FNDC11: variants seen among roughly 807,000 people sequenced by gnomAD.
FNDC11 encodes the protein fibronectin type III domain-containing protein 11.
FNDC11 carries 15 observed loss-of-function variants against 15.8 expected under a neutral mutation model. The observed-to-expected ratio is 0.95, with a 90% confidence interval of 0.63 to 1.46. The LOEUF is 1.46. Ranked by LOEUF, FNDC11 falls within the 40% of genes most tolerant of loss-of-function variation. The pLI, the probability that FNDC11 is intolerant of heterozygous loss-of-function variation, is 0.00. For synonymous variants in FNDC11, 190 were observed against 203.1 expected, an observed-to-expected ratio of 0.94 and a Z score of 0.55; for missense variants, 416 against 443.4, an observed-to-expected ratio of 0.94 and a Z score of 0.55.
At chr20:63,553,712 G>A (rs1032377312), upstream of FNDC11, 2 of 153,696 alleles carry the variant, frequency 1.3e-5, no homozygotes, top group African/African-American at 4.8e-5. Flanking sequence ...GGCCTTGCTG[G>A]GCAGAGCCCG....
Position 63,555,856 on chromosome 20 carries a change from C to G in FNDC11, c.193C>G (p.His65Asp), listed in dbSNP as rs746614013. 1 of 1,613,114 alleles carries G rather than the reference C, an allele frequency of 6.2e-7. No individual in the cohort carries two copies. Among genetic ancestry groups the G allele is most frequent in the Non-Finnish European group, 8.5e-7 (1 of 1,179,950 alleles). ...GAGTCCGCACCTGCTCAAGCGCCAC[C>G]ACGCCCGCATGCAGCTGCTGCGTAA... ...DLSPHLLKRH[H>D]ARMQLLRKCS... Residue 65 changes from histidine (H) to aspartate (D), a missense_variant, in exon 2 of 2, where the codon CAC (histidine) becomes GAC (aspartate). Transcript: ENST00000370097.
Position 63,556,251 on chromosome 20 carries a change from G to C in FNDC11, c.588G>C (p.Lys196Asn), listed in dbSNP as rs1163733603. The stretch of plus-strand genomic sequence containing the variant: ...TGGTGTCTGATGTCAGTGCCACCAA[G>C]ATCCCGCACATCTGGCTCATGCTGA... ...HRLVSDVSAT[K>N]IPHIWLMLST... Residue 196 changes from lysine (K) to asparagine (N), a missense_variant, in exon 2 of 2, where the codon AAG (lysine) becomes AAC (asparagine). Coordinates refer to ENST00000370097, the MANE Select transcript of FNDC11 (RefSeq NM_001319152.2). The C allele has an allele frequency of 3.1e-6, 5 of 1,595,544 alleles. No homozygotes were observed. The highest frequency in any genetic ancestry group is 4.3e-6 in the Non-Finnish European group (5 of 1,167,134).
intron 1 of FNDC11, chr20:63,554,445 C>CT (rs2082788319): frequency 6.6e-6 from 1 of 152,292 alleles, no homozygotes; most frequent in Non-Finnish European, 1.5e-5. Flanking sequence ...TCACGACCAG[C>CT]CTCTCTGGGT....
At position 63,556,269 on chromosome 20, in the gene FNDC11, C is replaced by G. The variant is rs146561395; in HGVS notation, c.606C>G (p.Leu202=). ...VSATKIPHIW[L]MLSTKMPVVF... is the part of the protein sequence containing the mutation. ...CCACCAAGATCCCGCACATCTGGCT[C>G]ATGCTGAGCACCAAGATGCCTGTCG... Residue 202 remains leucine (L), a synonymous_variant, in exon 2 of 2, where the codon CTC becomes CTG. Transcript: ENST00000370097. 6.3e-7 allele frequency: 1 copy of G among 1,599,720 alleles called. No homozygotes were observed. Among genetic ancestry groups the G allele is most frequent in the South Asian group, 1.1e-5 (1 of 90,280 alleles).
intron 1 of FNDC11, 80 bp from the exon 2 acceptor site, chr20:63,555,574 G>A: frequency 6.8e-7 from 1 of 1,473,978 alleles, no homozygotes; most frequent in Non-Finnish European, 9.0e-7. Flanking sequence ...GGGGTCAGTG[G>A]GCTGAATCCA....
intron 1 of FNDC11, chr20:63,555,063 C>T (rs1569022499): frequency 6.5e-6 from 1 of 153,198 alleles, no homozygotes; most frequent in Non-Finnish European, 1.5e-5. Context: ...GGGACAGGAT[C>T]CCGGGTCCAC....
Position 63,556,409 on chromosome 20 carries a change from C to A in FNDC11, c.746C>A (p.Pro249Gln), listed in dbSNP as rs773939617. The A allele has an allele frequency of 1.2e-6, 2 of 1,613,052 alleles. No homozygotes were observed. The highest frequency in any genetic ancestry group is 1.7e-6 in the Non-Finnish European group (2 of 1,180,024). Residue 249 changes from proline to glutamine, a missense_variant, in exon 2 of 2, where the codon CCG becomes CAG. By Grantham distance (76) the Pro-to-Gln change is moderately conservative. Transcript: ENST00000370097. ...QYELRFRLLD[P>Q]RTQQECAQCG... is the part of the protein sequence containing the mutation. Reference sequence around the variant, plus strand: ...GAGTTGCGCTTCAGGCTGCTGGACCCGCGGACACAGCAGGAGTGCGCCCAG... The same window carrying A: ...GAGTTGCGCTTCAGGCTGCTGGACCAGCGGACACAGCAGGAGTGCGCCCAG...
Position 63,556,683 on chromosome 20 carries a change from A to G in FNDC11, c.*63A>G. On this transcript the variant is annotated 3_prime_UTR_variant, in exon 2 of 2. Coordinates refer to ENST00000370097, the MANE Select transcript of FNDC11 (RefSeq NM_001319152.2). The stretch of plus-strand genomic sequence containing the variant: ...AGTGTAAATGCACATATGGAATTAA[A>G]GAAGCAAACCTATTTATGTTTTAAA... The G allele has an allele frequency of 6.9e-7, 1 of 1,445,798 alleles. No homozygotes were observed. The highest frequency in any genetic ancestry group is 9.5e-7 in the Non-Finnish European group (1 of 1,055,470). The allele number at this position is 1,445,798 out of a possible 1,614,324, so 89.6% of individuals were successfully genotyped here. A position where few individuals can be genotyped will look rare whatever the true frequency, so the allele number is the denominator to read the frequency against.
At position 63,555,732 on chromosome 20, in the gene FNDC11, C is replaced by A; in HGVS notation, c.69C>A (p.Asp23Glu). The A allele has an allele frequency of 6.2e-7, 1 of 1,613,244 alleles. No homozygotes were observed. The highest frequency in any genetic ancestry group is 8.5e-7 in the Non-Finnish European group (1 of 1,180,032). ...MKLGNPQSFLDQEEADDQQLL... is the reference protein window; with the variant it reads ...MKLGNPQSFLEQEEADDQQLL... The stretch of plus-strand genomic sequence containing the variant: ...TGGGCAATCCCCAGTCCTTCCTGGA[C>A]CAGGAGGAGGCAGATGACCAGCAGC... Residue 23 changes from aspartate (D) to glutamate (E), a missense_variant, in exon 2 of 2, where the codon GAC (aspartate) becomes GAA (glutamate). Coordinates refer to ENST00000370097, the MANE Select transcript of FNDC11 (RefSeq NM_001319152.2).
In FNDC11 at chr20:63,556,310, C is replaced by T. The variant is rs914978705; in HGVS notation, c.647C>T (p.Ala216Val). Residue 216 changes from alanine (A) to valine (V), a missense_variant, in exon 2 of 2, where the codon GCG becomes GTG. By Grantham distance (64) the Ala-to-Val change is moderately conservative. Transcript: ENST00000370097. ...TKMPVVFDRK[A>V]SAAHQDWARL... The stretch of plus-strand genomic sequence containing the variant: ...ATGCCTGTCGTGTTTGACCGAAAGG[C>T]GTCGGCGGCTCACCAGGACTGGGCC... The T allele has an allele frequency of 8.1e-6, 13 of 1,605,848 alleles. No individual in the cohort carries two copies. Among genetic ancestry groups the T allele is most frequent in the Admixed American group, 3.3e-5 (2 of 59,900 alleles).
At position 63,556,326 on chromosome 20, in the gene FNDC11, G is replaced by A; in HGVS notation, c.663G>A (p.Gln221=). Residue 221 remains glutamine, a synonymous_variant, in exon 2 of 2, where the codon CAG becomes CAA. Coordinates refer to ENST00000370097, the MANE Select transcript of FNDC11 (RefSeq NM_001319152.2). ...VFDRKASAAH[Q]DWARLRWFVT... is the part of the protein sequence containing the mutation. Reference sequence around the variant, plus strand: ...ACCGAAAGGCGTCGGCGGCTCACCAGGACTGGGCCCGGCTGCGCTGGTTCG... The same window carrying A: ...ACCGAAAGGCGTCGGCGGCTCACCAAGACTGGGCCCGGCTGCGCTGGTTCG... 1.9e-6 allele frequency: 3 copies of A among 1,610,752 alleles called. No homozygotes were observed. Among genetic ancestry groups the A allele is most frequent in the Non-Finnish European group, 2.5e-6 (3 of 1,178,270 alleles).
upstream of FNDC11, among the ~76,000 whole-genome samples, chr20:63,553,486 A>G (rs114192123): frequency 0.25 from 9,285 of 36,652 alleles, 1,043 homozygotes; most frequent in African/African-American, 0.48. Flanking sequence ...GGGCCGTAGT[A>G]GGGGAGCCCG....
At position 63,556,228 on chromosome 20, in the gene FNDC11, GTGTCTGA is replaced by G; in HGVS notation, c.570_576del (p.Asp191ValfsTer12). On this transcript the variant is annotated frameshift_variant, in exon 2 of 2. Transcript: ENST00000370097. LOFTEE classifies it high-confidence loss of function. ...GCGGCTACACGTCAAGCACCGCCTGGTGTCTGATGTCAGTGCCACCAAGATCCCGCAC... is the reference window on the plus strand; with the variant it reads ...GCGGCTACACGTCAAGCACCGCCTGGTGTCAGTGCCACCAAGATCCCGCAC... The G allele has an allele frequency of 6.3e-7, 1 of 1,593,916 alleles. No individual in the cohort carries two copies. Among genetic ancestry groups the G allele is most frequent in the Non-Finnish European group, 8.6e-7 (1 of 1,166,312 alleles).
At chr20:63,553,262 C>T (rs2082774278), upstream of FNDC11, among the ~76,000 whole-genome samples, 1 of 152,196 alleles carries the variant, frequency 6.6e-6, no homozygotes, top group African/African-American at 2.4e-5. Context: ...TGCGGGGCTC[C>T]CTGGAGCTAT....
At chr20:63,553,414 G>T (rs1461620949), upstream of FNDC11, among the ~76,000 whole-genome samples, 1 of 151,446 alleles carries the variant, frequency 6.6e-6, no homozygotes, top group East Asian at 1.9e-4. Flanking sequence ...GGTGGGGGGA[G>T]CCCGCGGTGG....
chr20:63,553,804 A>G (rs919634719), upstream of FNDC11: 2 of 152,352 alleles, frequency 1.3e-5, no homozygotes, highest in African/African-American at 2.4e-5. Context: ...CTCTCTCCCA[A>G]ATTCCTCCGA....
At position 63,556,650 on chromosome 20, in the gene FNDC11, TAAAG is replaced by T. The variant is rs1223926345; in HGVS notation, c.*33_*36del. ...TGATTTTCTAATATTTATCCACTAA[TAAAG>T]AAGAGTGTAAATGCACATATGGAAT... On this transcript the variant is annotated 3_prime_UTR_variant, in exon 2 of 2. Transcript: ENST00000370097. 4 of 1,570,540 alleles carry T rather than the reference TAAAG, an allele frequency of 2.5e-6. No homozygotes were observed. The highest frequency in any genetic ancestry group is 2.2e-5 in the South Asian group (2 of 88,946).
chr20:63,556,617 C>A lies in FNDC11; in HGVS notation c.954C>A (p.Val318=). 1 of 1,600,274 alleles carries A rather than the reference C, an allele frequency of 6.2e-7. No individual in the cohort carries two copies. Among genetic ancestry groups the A allele is most frequent in the South Asian group, 1.1e-5 (1 of 90,492 alleles). The stretch of plus-strand genomic sequence containing the variant: ...AGGGGCCCGCCCTCAGCCACTCTGT[C>A]TGAGAGATGATTTTCTAATATTTAT... ...PLEGPALSHS[V] is the part of the protein sequence containing the mutation. The change falls in exon 2 of 2, where the codon GTC becomes GTA. Residue 318 remains valine, a synonymous_variant. Transcript: ENST00000370097.
rs750563538 is a variant in FNDC11, at chr20:63,556,367, C to T, written c.704C>T (p.Ala235Val). Residue 235 changes from alanine (A) to valine (V), a missense_variant, in exon 2 of 2, where the codon GCC (alanine) becomes GTC (valine). By Grantham distance (64) the Ala-to-Val change is moderately conservative. Coordinates refer to ENST00000370097, the MANE Select transcript of FNDC11 (RefSeq NM_001319152.2). Reference protein sequence around the residue: ...RLRWFVTIQPATSEQYELRFR... With the variant: ...RLRWFVTIQPVTSEQYELRFR... ...CGCTGGTTCGTCACCATCCAGCCAG[C>T]CACATCGGAGCAGTATGAGTTGCGC... is the stretch of plus-strand genomic sequence containing the variant. The T allele has an allele frequency of 3.1e-6, 5 of 1,612,390 alleles. No homozygotes were observed. The highest frequency in any genetic ancestry group is 4.2e-6 in the Non-Finnish European group (5 of 1,179,898).
Sources: gnomAD v4.1 joint callset for allele counts (sites outside exome capture counted in the v4.1 genomes callset) on GRCh38, gnomAD v4.1.1 for gene constraint, MANE v1.5 for transcripts, NCBI Gene and HGNC (gene_info 2026-07-23, HGNC 2026-07-21) for gene names.